The following LRRC4C variants were observed in gnomAD, a reference collection of about 807,000 sequenced individuals.
The protein encoded by LRRC4C is leucine-rich repeat-containing protein 4C.
LRRC4C carries 5 observed loss-of-function variants against 33.6 expected under a neutral mutation model. The ratio of observed to expected loss-of-function variants is 0.15; its 90% CI spans 0.08 to 0.31. The LOEUF is 0.31. Ranked by LOEUF, LRRC4C falls within the 10% of genes least tolerant of loss-of-function variation. LRRC4C has a pLI of 1.00. For synonymous variants in LRRC4C, 329 were observed against 302.0 expected (o/e 1.09, Z -0.93); for missense variants, 560 against 796.7 (o/e 0.70, Z 3.58).
At chr11:40,353,788 T>C (rs1311193175) in intron 3 of LRRC4C, among the ~76,000 whole-genome samples, 1 of 152,206 alleles carries the variant, frequency 6.6e-6, no homozygotes, top group Non-Finnish European at 1.5e-5. Context: ...TATCTCCAAT[T>C]TTATTGTGCT....
intron 4 of LRRC4C, among the ~76,000 whole-genome samples, chr11:40,256,554 A>G (rs1867219511): frequency 6.6e-6 from 1 of 152,190 alleles, no homozygotes; most frequent in South Asian, 2.1e-4. Context: ...TTCCACTTGT[A>G]TAAGTGAATG....
intron 1 of LRRC4C, among the ~76,000 whole-genome samples, chr11:41,097,705 G>A (rs562806019): frequency 6.6e-6 from 1 of 152,202 alleles, no homozygotes; most frequent in South Asian, 2.1e-4. Context: ...AAACATCAGA[G>A]ATTTATATAT....
At chr11:40,883,888 A>G (rs1955304081) in intron 2 of LRRC4C, among the ~76,000 whole-genome samples, 1 of 105,698 alleles carries the variant, frequency 9.5e-6, no homozygotes, top group Non-Finnish European at 2.0e-5. Context: ...GTGAACCATA[A>G]GCTAGTTTTT....
chr11:40,527,117 G>T (rs1003260649), intron 3 of LRRC4C, among the ~76,000 whole-genome samples: 1 of 152,066 alleles, frequency 6.6e-6, no homozygotes, highest in Non-Finnish European at 1.5e-5. Context: ...CTGCAATGGG[G>T]GTGAGGGGAT....
At chr11:40,613,393 T>C (rs1016964144) in intron 3 of LRRC4C, among the ~76,000 whole-genome samples, 6 of 151,882 alleles carry the variant, frequency 4.0e-5, no homozygotes, top group African/African-American at 1.4e-4. Flanking sequence ...TTTCTTTGCT[T>C]ATCCATAAAA....
chr11:41,254,159 A>G (rs1406332304), intron 1 of LRRC4C, among the ~76,000 whole-genome samples: 4 of 152,092 alleles, frequency 2.6e-5, no homozygotes, highest in Non-Finnish European at 4.4e-5. Flanking sequence ...TATGCAGTTG[A>G]CAGCAACTTC....
At chr11:40,736,519 G>A (rs1202552684) in intron 2 of LRRC4C, among the ~76,000 whole-genome samples, 1 of 152,038 alleles carries the variant, frequency 6.6e-6, no homozygotes, top group Non-Finnish European at 1.5e-5. Flanking sequence ...AATCCTTTGG[G>A]TATATACCCA....
At chr11:40,356,037 T>C (rs1947654328) in intron 3 of LRRC4C, among the ~76,000 whole-genome samples, 1 of 151,572 alleles carries the variant, frequency 6.6e-6, no homozygotes, top group African/African-American at 2.4e-5. Context: ...ACTCAATGGG[T>C]GTGTTTCTCA....
intron 6 of LRRC4C, among the ~76,000 whole-genome samples, chr11:40,137,133 A>G (rs1446451305): frequency 6.6e-6 from 1 of 151,778 alleles, no homozygotes; most frequent in Non-Finnish European, 1.5e-5. Flanking sequence ...ATTTTGATTA[A>G]ACCTGTACAC....
chr11:41,186,093 T>G (rs907261300), intron 1 of LRRC4C, among the ~76,000 whole-genome samples: 36 of 152,210 alleles, frequency 2.4e-4, no homozygotes, highest in Middle Eastern at 3.4e-3. Flanking sequence ...ATGAATGTAG[T>G]ATAAAATTTT....
chr11:40,750,373 A>T (rs1315999524), intron 2 of LRRC4C, among the ~76,000 whole-genome samples: 1 of 152,144 alleles, frequency 6.6e-6, no homozygotes, highest in Non-Finnish European at 1.5e-5. Flanking sequence ...CATTACCCTG[A>T]TAACAAAAGC....
intron 1 of LRRC4C, among the ~76,000 whole-genome samples, chr11:41,139,808 G>A (rs1424652726): frequency 1.3e-5 from 2 of 152,134 alleles, no homozygotes; most frequent in African/African-American, 4.8e-5. Flanking sequence ...CTTGGAGCAG[G>A]GTGGGGATAC....
intron 1 of LRRC4C, among the ~76,000 whole-genome samples, chr11:41,228,856 C>T (rs1947658221): frequency 6.6e-6 from 1 of 152,120 alleles, no homozygotes; most frequent in Non-Finnish European, 1.5e-5. Flanking sequence ...AATGTATTTG[C>T]TCACAAAATC....
chr11:40,158,603 T>C (rs1858907655), intron 5 of LRRC4C, among the ~76,000 whole-genome samples: 1 of 150,286 alleles, frequency 6.7e-6, no homozygotes, highest in African/African-American at 2.4e-5. Flanking sequence ...ATAGATTCCC[T>C]GGCATGTGAA....
At chr11:41,451,946 C>A (rs10837644) in intron 1 of LRRC4C, among the ~76,000 whole-genome samples, 141,364 of 152,082 alleles carry the variant, frequency 0.93, 66,383 homozygotes, top group East Asian at 1. Flanking sequence ...TCTCCAACAG[C>A]AAAAAATTAG....
At chr11:40,596,683 T>C (rs887923705) in intron 3 of LRRC4C, among the ~76,000 whole-genome samples, 5 of 152,084 alleles carry the variant, frequency 3.3e-5, no homozygotes, top group African/African-American at 1.2e-4. Flanking sequence ...AAAATTTAAG[T>C]TCCTACATAT....
At chr11:40,471,026 T>C (rs1442695717) in intron 3 of LRRC4C, among the ~76,000 whole-genome samples, 3 of 151,924 alleles carry the variant, frequency 2.0e-5, no homozygotes, top group African/African-American at 7.3e-5. Flanking sequence ...ATTCAGGAAA[T>C]ACAGAGAACA....
At chr11:41,149,596 A>C (rs557643832) in intron 1 of LRRC4C, among the ~76,000 whole-genome samples, 2 of 152,104 alleles carry the variant, frequency 1.3e-5, no homozygotes, top group Non-Finnish European at 2.9e-5. Flanking sequence ...ACTGGCTCCA[A>C]TTTAAGTAAT....
chr11:40,758,421 A>G (rs896649331), intron 2 of LRRC4C, among the ~76,000 whole-genome samples: 1 of 152,020 alleles, frequency 6.6e-6, no homozygotes, highest in African/African-American at 2.4e-5. Flanking sequence ...AAGGATTTAA[A>G]TAATTTAAAT....
Sources: allele counts gnomAD v4.1 joint callset (sites outside exome capture counted in the v4.1 genomes callset), GRCh38; gene constraint gnomAD v4.1.1; transcripts MANE v1.5; gene names NCBI Gene and HGNC (gene_info 2026-07-23, HGNC 2026-07-21).